H1-4: variants seen among roughly 807,000 people sequenced by gnomAD.
H1-4 encodes the protein H1.4 linker histone, cluster member.
Under a neutral mutation model 7.2 loss-of-function variants are expected in H1-4, and 9 were observed. That is an observed-to-expected ratio of 1.25 (90% confidence interval 0.75 to 2.18). The LOEUF is 2.18. Among genes scored for constraint, H1-4 ranks in the 30% most tolerant of loss-of-function variants. The pLI is 0.00. For missense variants in H1-4, 646 were observed against 287.9 expected (o/e 2.24, Z -9.00); for synonymous variants, 318 against 126.6 (o/e 2.51, Z -10.15).
chr6:26,156,449 T>C lies in H1-4; in HGVS notation c.59T>C (p.Val20Ala), dbSNP rs145783632. The C allele has an allele frequency of 1.4e-5, 22 of 1,611,090 alleles. No homozygotes were observed. The highest frequency in any genetic ancestry group is 1.9e-5 in the Non-Finnish European group (22 of 1,178,912). ...AAPAPAEKTP[V>A]KKKARKSAGA... The stretch of plus-strand genomic sequence containing the variant: ...CCGGCCCCTGCCGAGAAGACTCCCG[T>C]GAAGAAGAAGGCCCGCAAGTCTGCA... Residue 20 changes from valine (V) to alanine (A), a missense_variant, in exon 1 of 1, where the codon GTG becomes GCG. Transcript: ENST00000304218.
At position 26,156,428 on chromosome 6, in the gene H1-4, C is replaced by A; in HGVS notation, c.38C>A (p.Ala13Asp). 1 of 1,603,042 alleles carries A rather than the reference C, an allele frequency of 6.2e-7. No homozygotes were observed. Among genetic ancestry groups the A allele is most frequent in the Non-Finnish European group, 8.5e-7 (1 of 1,174,366 alleles). The change falls in exon 1 of 1, where the codon GCC (alanine) becomes GAC (aspartate). Residue 13 changes from alanine to aspartate, a missense_variant. Coordinates refer to ENST00000304218, the MANE Select transcript of H1-4 (RefSeq NM_005321.3). ...ETAPAAPAAP[A>D]PAEKTPVKKK... ...GCGCCTGCCGCGCCCGCTGCTCCGG[C>A]CCCTGCCGAGAAGACTCCCGTGAAG...
rs768953669 is a variant in H1-4 at position 26,156,428 on chromosome 6, C to T, written c.38C>T (p.Ala13Val). The T allele has an allele frequency of 4.4e-5, 71 of 1,603,044 alleles. No homozygotes were observed. Among genetic ancestry groups the T allele is most frequent in the African/African-American group, 8.0e-5 (6 of 74,576 alleles). Residue 13 changes from alanine (A) to valine (V), a missense_variant, in exon 1 of 1, where the codon GCC becomes GTC. Ala to Val is a moderately conservative substitution (Grantham distance 64, BLOSUM62 0). Coordinates refer to ENST00000304218, the MANE Select transcript of H1-4 (RefSeq NM_005321.3). The part of the protein sequence containing the change: ...ETAPAAPAAP[A>V]PAEKTPVKKK... ...GCGCCTGCCGCGCCCGCTGCTCCGG[C>T]CCCTGCCGAGAAGACTCCCGTGAAG...
At position 26,156,656 on chromosome 6, in the gene H1-4, GCAAGGGCACCCTGGTGCAGAC is replaced by G. The variant is rs775218240; in HGVS notation, c.277_297del (p.Leu93_Thr99del). The G allele has an allele frequency of 7.4e-6, 12 of 1,614,244 alleles. No individual in the cohort carries two copies. The highest frequency in any genetic ancestry group is 1.6e-4 in the Middle Eastern group (1 of 6,062). ...AAGCTGGGTCTCAAGAGCCTGGTGA[GCAAGGGCACCCTGGTGCAGAC>G]CAAGGGCACCGGCGCGTCGGGTTCC... On this transcript the variant is annotated inframe_deletion, in exon 1 of 1. Transcript: ENST00000304218.
In H1-4 at chr6:26,156,556, G is replaced by A. The variant is rs752204746; in HGVS notation, c.166G>A (p.Gly56Ser). 6 of 1,614,028 alleles carry A rather than the reference G, an allele frequency of 3.7e-6. No homozygotes were observed. The highest frequency in any genetic ancestry group is 1.3e-5 in the African/African-American group (1 of 74,954). ...KAVAASKERS[G>S]VSLAALKKAL... ...TGTTGCCGCCTCCAAGGAGCGCAGC[G>A]GCGTATCTTTGGCCGCTCTCAAGAA... Residue 56 changes from glycine to serine, a missense_variant, in exon 1 of 1, where the codon GGC becomes AGC. By Grantham distance (56) the Gly-to-Ser change is moderately conservative. Coordinates refer to ENST00000304218, the MANE Select transcript of H1-4 (RefSeq NM_005321.3).
At position 26,156,404 on chromosome 6, in the gene H1-4, C is replaced by T. The variant is rs770963016; in HGVS notation, c.14C>T (p.Ala5Val). The change falls in exon 1 of 1, where the codon GCG becomes GTG. Residue 5 changes from alanine (A) to valine (V), a missense_variant. Physicochemically the swap from Ala to Val is moderately conservative, Grantham distance 64. Transcript: ENST00000304218. ...CTTGCCTTCAACATGTCCGAGACTG[C>T]GCCTGCCGCGCCCGCTGCTCCGGCC... MSET[A>V]PAAPAAPAPA... 7.8e-5 allele frequency: 124 copies of T among 1,584,790 alleles called. 1 individual carries two copies. Among genetic ancestry groups the T allele is most frequent in the Non-Finnish European group, 9.6e-5 (112 of 1,165,650 alleles).
rs1764211106 is a variant in H1-4, at chr6:26,157,090, C to T, written c.*40C>T. ...CAACTGCTTAGAAGCCCAACACAACCCAAAGGCTCTTTTCAGAGCCACCCA... is the reference window on the plus strand; with the variant it reads ...CAACTGCTTAGAAGCCCAACACAACTCAAAGGCTCTTTTCAGAGCCACCCA... On this transcript the variant is annotated 3_prime_UTR_variant, in exon 1 of 1. Coordinates refer to ENST00000304218, the MANE Select transcript of H1-4 (RefSeq NM_005321.3). 1.3e-6 allele frequency: 2 copies of T among 1,557,884 alleles called. No homozygotes were observed. Among genetic ancestry groups the T allele is most frequent in the African/African-American group, 1.4e-5 (1 of 72,028 alleles).
Position 26,156,806 on chromosome 6 carries a change from A to C in H1-4, c.416A>C (p.Lys139Thr), listed in dbSNP as rs772035454. The C allele has an allele frequency of 6.2e-7, 1 of 1,609,818 alleles. No individual in the cohort carries two copies. Among genetic ancestry groups the C allele is most frequent in the South Asian group, 1.1e-5 (1 of 90,786 alleles). The change falls in exon 1 of 1, where the codon AAG (lysine) becomes ACG (threonine). Residue 139 changes from lysine (K) to threonine (T), a missense_variant. Transcript: ENST00000304218. ...CCAGCAGGAGCGGCGAAGAAGCCCA[A>C]GAAGGCGACGGGGGCGGCCACCCCC... is the stretch of plus-strand genomic sequence containing the variant. ...KKPAGAAKKP[K>T]KATGAATPKK... is the part of the protein sequence containing the mutation.
In H1-4 at chr6:26,157,082, A is replaced by C. The variant is rs756870134; in HGVS notation, c.*32A>C. On this transcript the variant is annotated 3_prime_UTR_variant, in exon 1 of 1. Coordinates refer to ENST00000304218, the MANE Select transcript of H1-4 (RefSeq NM_005321.3). ...CCTTTGGCCAACTGCTTAGAAGCCC[A>C]ACACAACCCAAAGGCTCTTTTCAGA... 2 of 1,565,782 alleles carry C rather than the reference A, an allele frequency of 1.3e-6. No individual in the cohort carries two copies. Among genetic ancestry groups the C allele is most frequent in the African/African-American group, 1.4e-5 (1 of 72,184 alleles).
rs1764195228 is a variant in H1-4, at chr6:26,156,832, A to C, written c.442A>C (p.Lys148Gln). The C allele has an allele frequency of 6.2e-7, 1 of 1,606,856 alleles. No homozygotes were observed. Among genetic ancestry groups the C allele is most frequent in the Non-Finnish European group, 8.5e-7 (1 of 1,176,982 alleles). ...GAAGGCGACGGGGGCGGCCACCCCC[A>C]AGAAGAGCGCCAAGAAGACCCCAAA... ...PKKATGAATP[K>Q]KSAKKTPKKA... Residue 148 changes from lysine to glutamine, a missense_variant, in exon 1 of 1, where the codon AAG (lysine) becomes CAG (glutamine). Transcript: ENST00000304218.
rs752204746 is a variant in H1-4 at position 26,156,556 on chromosome 6, G to T, written c.166G>T (p.Gly56Cys). The change falls in exon 1 of 1, where the codon GGC (glycine) becomes TGC (cysteine). Residue 56 changes from glycine to cysteine, a missense_variant. Physicochemically the swap from Gly to Cys is radical, Grantham distance 159. Coordinates refer to ENST00000304218, the MANE Select transcript of H1-4 (RefSeq NM_005321.3). ...TGTTGCCGCCTCCAAGGAGCGCAGC[G>T]GCGTATCTTTGGCCGCTCTCAAGAA... ...KAVAASKERS[G>C]VSLAALKKAL... The T allele has an allele frequency of 1.2e-6, 2 of 1,614,146 alleles. No homozygotes were observed. The highest frequency in any genetic ancestry group is 1.7e-6 in the Non-Finnish European group (2 of 1,180,026).
rs753419578 is a variant in H1-4 at position 26,156,546 on chromosome 6, G to A, written c.156G>A (p.Lys52=). The A allele has an allele frequency of 1.9e-6, 3 of 1,614,018 alleles. No individual in the cohort carries two copies. Among genetic ancestry groups the A allele is most frequent in the Non-Finnish European group, 2.5e-6 (3 of 1,180,018 alleles). The change falls in exon 1 of 1, where the codon AAG becomes AAA. Residue 52 remains lysine, a synonymous_variant. Coordinates refer to ENST00000304218, the MANE Select transcript of H1-4 (RefSeq NM_005321.3). ...TTACTAAAGCTGTTGCCGCCTCCAA[G>A]GAGCGCAGCGGCGTATCTTTGGCCG... ...ELITKAVAAS[K]ERSGVSLAAL...
rs1426695376 is a variant in H1-4 at position 26,156,997 on chromosome 6, A to C, written c.607A>C (p.Thr203Pro). 2 of 1,603,254 alleles carry C rather than the reference A, an allele frequency of 1.2e-6. No individual in the cohort carries two copies. Among genetic ancestry groups the C allele is most frequent in the Non-Finnish European group, 1.7e-6 (2 of 1,177,504 alleles). Reference sequence around the variant, plus strand: ...TAAACCCAAGGCGGCTAAACCAAAGACCGCCAAGCCCAAGGCAGCCAAGCC... The same window carrying C: ...TAAACCCAAGGCGGCTAAACCAAAGCCCGCCAAGCCCAAGGCAGCCAAGCC... ...AVKPKAAKPK[T>P]AKPKAAKPKK... The change falls in exon 1 of 1, where the codon ACC (threonine) becomes CCC (proline). Residue 203 changes from threonine to proline, a missense_variant. Coordinates refer to ENST00000304218, the MANE Select transcript of H1-4 (RefSeq NM_005321.3).
chr6:26,156,906 C>G lies in H1-4; in HGVS notation c.516C>G (p.Ser172Arg), dbSNP rs573423951. Residue 172 changes from serine to arginine, a missense_variant, in exon 1 of 1, where the codon AGC becomes AGG. Physicochemically the swap from Ser to Arg is moderately radical, Grantham distance 110. Transcript: ENST00000304218. ...CTGCTGGAGCCAAAAAAGCGAAAAGCCCGAAAAAGGCGAAAGCAGCCAAGC... is the reference window on the plus strand; with the variant it reads ...CTGCTGGAGCCAAAAAAGCGAAAAGGCCGAAAAAGGCGAAAGCAGCCAAGC... ...AAAAGAKKAKSPKKAKAAKPK... is the reference protein window; with the variant it reads ...AAAAGAKKAKRPKKAKAAKPK... 10 of 1,610,696 alleles carry G rather than the reference C, an allele frequency of 6.2e-6. No individual in the cohort carries two copies. In the Admixed American group the frequency reaches 1.0e-4, roughly 16 times the overall value.
Position 26,156,864 on chromosome 6 carries a change from G to A in H1-4, c.474G>A (p.Ala158=), listed in dbSNP as rs781387925. The part of the protein sequence containing the change: ...KKSAKKTPKK[A]KKPAAAAGAK... The stretch of plus-strand genomic sequence containing the variant: ...GCGCCAAGAAGACCCCAAAGAAGGC[G>A]AAGAAGCCGGCTGCAGCTGCTGGAG... Residue 158 remains alanine, a synonymous_variant, in exon 1 of 1, where the codon GCG becomes GCA. Transcript: ENST00000304218. 1.2e-6 allele frequency: 2 copies of A among 1,607,572 alleles called. No homozygotes were observed. The highest frequency in any genetic ancestry group is 1.3e-5 in the African/African-American group (1 of 74,522).
chr6:26,156,955 G>T lies in H1-4; in HGVS notation c.565G>T (p.Ala189Ser). ...GCCAAAAAAGGCGCCCAAGAGCCCAGCGAAGGCCAAAGCAGTTAAACCCAA... is the reference window on the plus strand; with the variant it reads ...GCCAAAAAAGGCGCCCAAGAGCCCATCGAAGGCCAAAGCAGTTAAACCCAA... Reference protein sequence around the residue: ...AKPKKAPKSPAKAKAVKPKAA... With the variant: ...AKPKKAPKSPSKAKAVKPKAA... Residue 189 changes from alanine (A) to serine (S), a missense_variant, in exon 1 of 1, where the codon GCG becomes TCG. Ala to Ser is a moderately conservative substitution (Grantham distance 99). Coordinates refer to ENST00000304218, the MANE Select transcript of H1-4 (RefSeq NM_005321.3). 1 of 1,612,554 alleles carries T rather than the reference G, an allele frequency of 6.2e-7. No individual in the cohort carries two copies. Among genetic ancestry groups the T allele is most frequent in the East Asian group, 2.2e-5 (1 of 44,876 alleles).
rs748723810 is a variant in H1-4 at position 26,156,498 on chromosome 6, TG to T, written c.111del (p.Pro39ArgfsTer50). ...CAGGTGCGGCCAAGCGCAAAGCGTC[TG>T]GGCCCCCGGTGTCCGAGCTCATTAC... ...SAGAAKRKAS[G>X]PPVSELITKA... is the part of the protein sequence containing the mutation. On this transcript the variant is annotated frameshift_variant, in exon 1 of 1. Transcript: ENST00000304218. LOFTEE classifies it high-confidence loss of function. The T allele has an allele frequency of 6.2e-7, 1 of 1,613,646 alleles. No individual in the cohort carries two copies.
Position 26,156,775 on chromosome 6 carries a change from A to C in H1-4, c.385A>C (p.Lys129Gln), listed in dbSNP as rs1483145361. The C allele has an allele frequency of 6.2e-7, 1 of 1,613,028 alleles. No homozygotes were observed. Among genetic ancestry groups the C allele is most frequent in the Non-Finnish European group, 8.5e-7 (1 of 1,179,592 alleles). The change falls in exon 1 of 1, where the codon AAG becomes CAG. Residue 129 changes from lysine (K) to glutamine (Q), a missense_variant. By Grantham distance (53) the Lys-to-Gln change is moderately conservative. Transcript: ENST00000304218. Reference protein sequence around the residue: ...KAKKAGAAKAKKPAGAAKKPK... With the variant: ...KAKKAGAAKAQKPAGAAKKPK... ...TAAAAAGGCAGGCGCGGCCAAGGCC[A>C]AGAAGCCAGCAGGAGCGGCGAAGAA...
In H1-4 at chr6:26,156,810, G is replaced by C. The variant is rs376529328; in HGVS notation, c.420G>C (p.Lys140Asn). ...KPAGAAKKPK[K>N]ATGAATPKKS... is the part of the protein sequence containing the mutation. ...CAGGAGCGGCGAAGAAGCCCAAGAAGGCGACGGGGGCGGCCACCCCCAAGA... is the reference window on the plus strand; with the variant it reads ...CAGGAGCGGCGAAGAAGCCCAAGAACGCGACGGGGGCGGCCACCCCCAAGA... The change falls in exon 1 of 1, where the codon AAG (lysine) becomes AAC (asparagine). Residue 140 changes from lysine (K) to asparagine (N), a missense_variant. Physicochemically the swap from Lys to Asn is moderately conservative, Grantham distance 94. Transcript: ENST00000304218. 1.9e-6 allele frequency: 3 copies of C among 1,607,520 alleles called. No homozygotes were observed. The highest frequency in any genetic ancestry group is 2.7e-5 in the African/African-American group (2 of 74,718).
chr6:26,157,000 G>A lies in H1-4; in HGVS notation c.610G>A (p.Ala204Thr), dbSNP rs139427516. The change falls in exon 1 of 1, where the codon GCC becomes ACC. Residue 204 changes from alanine to threonine, a missense_variant. Coordinates refer to ENST00000304218, the MANE Select transcript of H1-4 (RefSeq NM_005321.3). The part of the protein sequence containing the change: ...VKPKAAKPKT[A>T]KPKAAKPKKA... ...ACCCAAGGCGGCTAAACCAAAGACC[G>A]CCAAGCCCAAGGCAGCCAAGCCAAA... The A allele has an allele frequency of 1.7e-4, 274 of 1,599,390 alleles. No homozygotes were observed. The highest frequency in any genetic ancestry group is 1.8e-4 in the Non-Finnish European group (206 of 1,176,442).
Sources: allele counts gnomAD v4.1 joint callset, GRCh38; gene constraint gnomAD v4.1.1; transcripts MANE v1.5; gene names NCBI Gene and HGNC (gene_info 2026-07-23, HGNC 2026-07-21).